The following CFAP210 variants were observed in gnomAD, a reference collection of about 807,000 sequenced individuals.
CFAP210 encodes cilia and flagella associated protein 210.
chr2:169,666,550 C>A, the CFAP210 span, among the ~76,000 whole-genome samples: 1 of 151,680 alleles, frequency 6.6e-6, no homozygotes, highest in East Asian at 2.0e-4. Flanking sequence ...CACTAGAATT[C>A]GAGCTTCTTG....
At chr2:169,673,051 A>T in the CFAP210 span, among the ~76,000 whole-genome samples, 1 of 152,220 alleles carries the variant, frequency 6.6e-6, no homozygotes, top group South Asian at 2.1e-4. Flanking sequence ...GTCACCATGC[A>T]CAAGGACAAA....
At chr2:169,674,796 A>G in the CFAP210 span, 1 of 1,521,572 alleles carries the variant, frequency 6.6e-7, no homozygotes, top group Non-Finnish European at 8.8e-7. Flanking sequence ...ATAGTACTTT[A>G]AGGAAATGAT....
the CFAP210 span, among the ~76,000 whole-genome samples, chr2:169,672,177 T>C: frequency 7.8e-3 from 1,182 of 152,358 alleles, 8 homozygotes; most frequent in Non-Finnish European, 0.013. Context: ...TGTAAACTCA[T>C]ACACTTAAAC....
the CFAP210 span, chr2:169,674,491 A>T: frequency 8.9e-7 from 1 of 1,125,950 alleles, no homozygotes; most frequent in African/African-American, 1.6e-5. Context: ...TTATTTTAGC[A>T]TGTATTACTT....
At chr2:169,666,725 G>T in the CFAP210 span, among the ~76,000 whole-genome samples, 3 of 152,008 alleles carry the variant, frequency 2.0e-5, no homozygotes, top group Non-Finnish European at 4.4e-5. Flanking sequence ...CTGTTGGATG[G>T]CATTTAACCC....
chr2:169,675,225 C>T, the CFAP210 span, among the ~76,000 whole-genome samples: 2 of 152,102 alleles, frequency 1.3e-5, no homozygotes, highest in African/African-American at 4.8e-5. Flanking sequence ...GTAGATAACA[C>T]ATTTACATGG....
chr2:169,679,126 T>A, the CFAP210 span, among the ~76,000 whole-genome samples: 100 of 152,292 alleles, frequency 6.6e-4, no homozygotes, highest in Non-Finnish European at 1.3e-3. Context: ...ACAATTGATC[T>A]TCATACACAA....
the CFAP210 span, among the ~76,000 whole-genome samples, chr2:169,662,014 T>A: frequency 1.3e-5 from 2 of 152,314 alleles, no homozygotes; most frequent in South Asian, 4.1e-4. Context: ...TAGTGTTTGA[T>A]AGCCTAGTGG....
chr2:169,659,729 A>G, the CFAP210 span, among the ~76,000 whole-genome samples: 1 of 152,126 alleles, frequency 6.6e-6, no homozygotes, highest in Admixed American at 6.5e-5. Context: ...TTCAAAACCA[A>G]TTATGCCTTC....
chr2:169,664,840 A>G, the CFAP210 span, among the ~76,000 whole-genome samples: 1 of 152,216 alleles, frequency 6.6e-6, no homozygotes, highest in African/African-American at 2.4e-5. Flanking sequence ...CATTCTGAAG[A>G]TTCCAAATCT....
chr2:169,661,011 A>G, the CFAP210 span: 1 of 486,264 alleles, frequency 2.1e-6, no homozygotes, highest in Non-Finnish European at 4.0e-6. Flanking sequence ...AGAGTGTGAA[A>G]TGAAGAACTT....
chr2:169,680,896 C>T, the CFAP210 span: 3 of 806,698 alleles, frequency 3.7e-6, no homozygotes, highest in Non-Finnish European at 6.0e-6. Context: ...TGTTTCGATG[C>T]ATTTTTATGA....
chr2:169,662,214 G>T, the CFAP210 span: 5 of 1,474,250 alleles, frequency 3.4e-6, no homozygotes, highest in Middle Eastern at 1.8e-4. Context: ...AATATATTAT[G>T]TATCAATTTT....
the CFAP210 span, chr2:169,649,240 T>C: frequency 1.2e-6 from 2 of 1,613,800 alleles, no homozygotes; most frequent in African/African-American, 2.7e-5. Flanking sequence ...TTTGCATTTT[T>C]TCTCCTTTTC....
chr2:169,675,828 T>C, the CFAP210 span, among the ~76,000 whole-genome samples: 1 of 152,188 alleles, frequency 6.6e-6, no homozygotes, highest in Non-Finnish European at 1.5e-5. Flanking sequence ...TTTTGCTCCT[T>C]TAAAAAACCA....
chr2:169,652,986 C>A, the CFAP210 span, among the ~76,000 whole-genome samples: 2 of 74,574 alleles, frequency 2.7e-5, no homozygotes, highest in South Asian at 5.0e-4. Flanking sequence ...GGCGACAGAG[C>A]AAGACTCCGT....
chr2:169,654,427 A>G, the CFAP210 span, among the ~76,000 whole-genome samples: 2 of 152,352 alleles, frequency 1.3e-5, no homozygotes, highest in Non-Finnish European at 1.5e-5. Context: ...AAAAAAATGG[A>G]AACAACCTCT....
At chr2:169,647,627 C>A in the CFAP210 span, among the ~76,000 whole-genome samples, 1 of 152,062 alleles carries the variant, frequency 6.6e-6, no homozygotes, top group African/African-American at 2.4e-5. Context: ...TTAAAGACTT[C>A]AACAAGTAAA....
the CFAP210 span, among the ~76,000 whole-genome samples, chr2:169,681,970 G>C: frequency 1.3e-5 from 2 of 152,166 alleles, no homozygotes; most frequent in Non-Finnish European, 2.9e-5. Flanking sequence ...AAGAAACAAT[G>C]GGAGAATCTG....
Sources: gnomAD v4.1 joint callset for allele counts (sites outside exome capture counted in the v4.1 genomes callset) on GRCh38, gnomAD v4.1.1 for gene constraint, MANE v1.5 for transcripts, NCBI Gene and HGNC (gene_info 2026-07-23, HGNC 2026-07-21) for gene names.